ARID5A: variants seen among roughly 807,000 people sequenced by gnomAD.
The protein encoded by ARID5A is AT-rich interaction domain 5A.
A neutral mutation model predicts 30.5 loss-of-function variants in ARID5A; 14 were observed. The observed-to-expected ratio is 0.46, with a 90% confidence interval of 0.30 to 0.72. The LOEUF (loss-of-function observed/expected upper bound fraction) is 0.72, where lower values mean the gene tolerates loss of function less well. Ranked by LOEUF, ARID5A falls within the 30% of genes least tolerant of loss-of-function variation. The pLI is 0.07. For synonymous variants in ARID5A, 338 were observed against 340.4 expected (o/e 0.99, Z 0.08); for missense variants, 669 against 786.2 (o/e 0.85, Z 1.78).
intron 1 of ARID5A, among the ~76,000 whole-genome samples, chr2:96,543,767 A>C (rs1323973314): frequency 6.6e-6 from 1 of 152,200 alleles, no homozygotes; most frequent in African/African-American, 2.4e-5. Context: ...TTAAGTGTTC[A>C]AGTGAAAGGA....
chr2:96,536,853 C>A lies in ARID5A; in HGVS notation c.4+23C>A, dbSNP rs898818760. On this transcript the variant is annotated intron_variant, in intron 1 of 6. Coordinates refer to ENST00000357485, the MANE Select transcript of ARID5A (RefSeq NM_212481.3). Reference sequence around the variant, plus strand: ...TGGGTAAGCGGCTCTGCGGCGCGGCCCGGACAGGGGCTCGGCGGCCCTGCA... The same window carrying A: ...TGGGTAAGCGGCTCTGCGGCGCGGCACGGACAGGGGCTCGGCGGCCCTGCA... The A allele has an allele frequency of 1.8e-5, 22 of 1,226,420 alleles. 1 individual carries two copies. In the Admixed American group the frequency reaches 2.1e-4, roughly 12 times the overall value. The allele number at this position is 1,226,420 out of a possible 1,614,324, so 76.0% of individuals were successfully genotyped here. A position where few individuals can be genotyped will look rare whatever the true frequency, so the allele number is the denominator to read the frequency against.
chr2:96,552,247 C>G lies in ARID5A; in HGVS notation c.1719C>G (p.Ala573=). The G allele has an allele frequency of 6.2e-7, 1 of 1,613,348 alleles. No homozygotes were observed. The highest frequency in any genetic ancestry group is 8.5e-7 in the Non-Finnish European group (1 of 1,179,880). The change falls in exon 7 of 7, where the codon GCC becomes GCG. Residue 573 remains alanine, a synonymous_variant. Transcript: ENST00000357485. ...LRHRLCPASS[A]WHAPPVTTYA... ...ACAGACTTTGCCCGGCCTCATCTGC[C>G]TGGCACGCACCACCAGTCACAACCT...
intron 1 of ARID5A, among the ~76,000 whole-genome samples, chr2:96,546,255 T>A (rs980749453): frequency 1.3e-5 from 2 of 152,226 alleles, no homozygotes; most frequent in African/African-American, 4.8e-5. Context: ...AATAAGGATG[T>A]CCTGGGAGGG....
Position 96,549,686 on chromosome 2 carries a change from G to A in ARID5A, c.260-67G>A. On this transcript the variant is annotated intron_variant, in intron 3 of 6. Coordinates refer to ENST00000357485, the MANE Select transcript of ARID5A (RefSeq NM_212481.3). The surrounding 1 kb of genome is among the most constrained non-coding windows in gnomAD (Gnocchi z 6.1). ...TGTGCCTGGCCTGTCAGGGCACCAG[G>A]AAGGGGTGGCATGCTGTCCCCACCT... 6.2e-7 allele frequency: 1 copy of A among 1,609,106 alleles called. No homozygotes were observed. The highest frequency in any genetic ancestry group is 8.5e-7 in the Non-Finnish European group (1 of 1,175,840).
At position 96,550,297 on chromosome 2, in the gene ARID5A, C is replaced by G. The variant is rs912418494; in HGVS notation, c.410+12C>G. 2.1e-6 allele frequency: 3 copies of G among 1,436,694 alleles called. No individual in the cohort carries two copies. In the South Asian group the frequency reaches 4.4e-5, roughly 21 times the overall value. 89.0% of individuals were successfully genotyped at this position (1,436,694 alleles called of 1,614,324 possible). A position where few individuals can be genotyped will look rare whatever the true frequency, so the allele number is the denominator to read the frequency against. On this transcript the variant is annotated intron_variant, in intron 5 of 6. Transcript: ENST00000357485. This position sits in a 1 kb window ranked among gnomAD's most constrained non-coding sequence, Gnocchi z 6.6. ...CGCCACTACGAGAGGTACGGCGGGG[C>G]GGGCCCGGGTGCTGGACGCCGCCTA...
At position 96,550,622 on chromosome 2, in the gene ARID5A, G is replaced by A. The variant is rs368409361; in HGVS notation, c.459G>A (p.Pro153=). ...VRHLKGEDDK[P]LPTSKPRKQY... is the part of the protein sequence containing the mutation. ...ACCTGAAGGGGGAGGATGACAAGCC[G>A]CTGCCCACCTCCAAGCCCAGGAAAC... Residue 153 remains proline, a synonymous_variant, in exon 6 of 7, where the codon CCG becomes CCA. Coordinates refer to ENST00000357485, the MANE Select transcript of ARID5A (RefSeq NM_212481.3). The surrounding 1 kb of genome is among the most constrained non-coding windows in gnomAD (Gnocchi z 6.6). 4 of 1,607,888 alleles carry A rather than the reference G, an allele frequency of 2.5e-6. No homozygotes were observed. The highest frequency in any genetic ancestry group is 1.7e-5 in the Admixed American group (1 of 59,340).
Position 96,536,785 on chromosome 2 carries a change from G to T in ARID5A, c.-42G>T. ...GAGCGCGGGGTCCGGACAGCCGCGC[G>T]CTGAGGGTCTCGGGGCGGGCGCCGC... On this transcript the variant is annotated 5_prime_UTR_variant, in exon 1 of 7. Coordinates refer to ENST00000357485, the MANE Select transcript of ARID5A (RefSeq NM_212481.3). 8.3e-7 allele frequency: 1 copy of T among 1,208,650 alleles called. No homozygotes were observed. The highest frequency in any genetic ancestry group is 1.0e-6 in the Non-Finnish European group (1 of 974,046). The allele number at this position is 1,208,650 out of a possible 1,614,324, so 74.9% of individuals were successfully genotyped here. A position where few individuals can be genotyped will look rare whatever the true frequency, so the allele number is the denominator to read the frequency against.
rs1178653222 is a variant in ARID5A, at chr2:96,539,548, A to G, written c.4+2718A>G. On this transcript the variant is annotated intron_variant, in intron 1 of 6. Transcript: ENST00000357485. The surrounding 1 kb of genome is among the most constrained non-coding windows in gnomAD (Gnocchi z 4.7). ...GAGCTGGCCCCCTACTCTCTCAGGT[A>G]ACAGGTAGCAGTTTTTTAAATGGAA... Among the ~76,000 whole-genome samples the G allele has an allele frequency of 6.6e-6, 1 of 152,350 alleles. No individual in the cohort carries two copies. The highest frequency in any genetic ancestry group is 1.9e-4 in the East Asian group (1 of 5,180).
chr2:96,551,472 A>C lies in ARID5A; in HGVS notation c.944A>C (p.Gln315Pro). The change falls in exon 7 of 7, where the codon CAG becomes CCG. Residue 315 changes from glutamine (Q) to proline (P), a missense_variant. Coordinates refer to ENST00000357485, the MANE Select transcript of ARID5A (RefSeq NM_212481.3). ...TENSRHRLTP[Q>P]EGLQAPGGSL... ...AACTCCAGGCACCGGCTGACCCCTC[A>C]GGAGGGATTGCAGGCCCCAGGTGGC... The C allele has an allele frequency of 6.3e-7, 1 of 1,589,476 alleles. No individual in the cohort carries two copies. The highest frequency in any genetic ancestry group is 8.6e-7 in the Non-Finnish European group (1 of 1,168,106).
chr2:96,538,800 C>T (rs998116774), intron 1 of ARID5A, among the ~76,000 whole-genome samples: 4 of 152,170 alleles, frequency 2.6e-5, no homozygotes, highest in Admixed American at 2.6e-4. Context: ...TGGTAATTGA[C>T]GCAGTGTTCC....
intron 1 of ARID5A, among the ~76,000 whole-genome samples, chr2:96,543,102 C>T (rs1167973250): frequency 1.3e-5 from 2 of 152,184 alleles, no homozygotes; most frequent in Non-Finnish European, 2.9e-5. Context: ...GTCTCTTTCT[C>T]TTTGACAAGC....
chr2:96,550,620 C>A lies in ARID5A; in HGVS notation c.457C>A (p.Pro153Thr). ...GCACCTGAAGGGGGAGGATGACAAG[C>A]CGCTGCCCACCTCCAAGCCCAGGAA... ...VRHLKGEDDKPLPTSKPRKQY... is the reference protein window; with the variant it reads ...VRHLKGEDDKTLPTSKPRKQY... Residue 153 changes from proline to threonine, a missense_variant, in exon 6 of 7, where the codon CCG (proline) becomes ACG (threonine). Pro to Thr is a conservative substitution (Grantham distance 38). This residue lies in a region of ARID5A where 64 missense variants were observed against 119.7 expected (regional missense o/e 0.53). Coordinates refer to ENST00000357485, the MANE Select transcript of ARID5A (RefSeq NM_212481.3). This position sits in a 1 kb window ranked among gnomAD's most constrained non-coding sequence, Gnocchi z 6.6. The A allele has an allele frequency of 6.2e-7, 1 of 1,607,812 alleles. No individual in the cohort carries two copies. The highest frequency in any genetic ancestry group is 8.5e-7 in the Non-Finnish European group (1 of 1,177,792).
At chr2:96,538,798 G>A (rs2065792263) in intron 1 of ARID5A, among the ~76,000 whole-genome samples, 1 of 152,234 alleles carries the variant, frequency 6.6e-6, no homozygotes, top group Non-Finnish European at 1.5e-5. Context: ...TGTGGTAATT[G>A]ACGCAGTGTT....
chr2:96,551,901 G>T lies in ARID5A; in HGVS notation c.1373G>T (p.Arg458Ile). 1 of 1,545,710 alleles carries T rather than the reference G, an allele frequency of 6.5e-7. No homozygotes were observed. The highest frequency in any genetic ancestry group is 8.7e-7 in the Non-Finnish European group (1 of 1,149,066). The change falls in exon 7 of 7, where the codon AGA becomes ATA. Residue 458 changes from arginine (R) to isoleucine (I), a missense_variant. By Grantham distance (97) the Arg-to-Ile change is moderately conservative. Around this residue, in one of 4 missense-constraint regions of ARID5A, gnomAD observed 548 missense variants for 577.4 expected, o/e 0.95. Transcript: ENST00000357485. The stretch of plus-strand genomic sequence containing the variant: ...GAGGGTGCTGCCCACAGTGGGAAGA[G>T]ACTGCGGGCCGTGTCTCCCTTTCTT... ...EEEGAAHSGK[R>I]LRAVSPFLKE...
chr2:96,551,193 C>A lies in ARID5A; in HGVS notation c.665C>A (p.Ala222Asp). 6.2e-7 allele frequency: 1 copy of A among 1,614,018 alleles called. No individual in the cohort carries two copies. Among genetic ancestry groups the A allele is most frequent in the South Asian group, 1.1e-5 (1 of 91,092 alleles). ...AACAGCACAGAACAGCAGGGCCTGG[C>A]CTCTGGGTCTTCTGTGTCCTTTGTG... ...PRNSTEQQGL[A>D]SGSSVSFVGA... Residue 222 changes from alanine (A) to aspartate (D), a missense_variant, in exon 7 of 7, where the codon GCC becomes GAC. By Grantham distance (126) the Ala-to-Asp change is moderately radical. Coordinates refer to ENST00000357485, the MANE Select transcript of ARID5A (RefSeq NM_212481.3).
Position 96,548,484 on chromosome 2 carries a change from T to G in ARID5A, c.121-837T>G, listed in dbSNP as rs146379445. On this transcript the variant is annotated intron_variant, in intron 2 of 6. Transcript: ENST00000357485. Reference sequence around the variant, plus strand: ...TTTCCCCATGTTGGCCAGGCTGGTCTCAAACTCCTGACCTCAAGTGATCTC... The same window carrying G: ...TTTCCCCATGTTGGCCAGGCTGGTCGCAAACTCCTGACCTCAAGTGATCTC... Among the ~76,000 whole-genome samples the G allele has an allele frequency of 2.0e-3, 306 of 152,286 alleles. 11 individuals are homozygous for G. The East Asian group carries it at 0.052, about 26-fold the overall frequency.
Position 96,537,769 on chromosome 2 carries a change from C to G in ARID5A, c.4+939C>G, listed in dbSNP as rs1389190089. On this transcript the variant is annotated intron_variant, in intron 1 of 6. Transcript: ENST00000357485. This position sits in a 1 kb window ranked among gnomAD's most constrained non-coding sequence, Gnocchi z 4.8. ...GTCTAGGGGTCGCCCGGGCTGGGGT[C>G]GCGTCACCCTCCGCCCAGCGCCGGC... 2 of 784,106 alleles carry G rather than the reference C, an allele frequency of 2.6e-6. No individual in the cohort carries two copies. The highest frequency in any genetic ancestry group is 1.5e-6 in the Non-Finnish European group (1 of 646,282). The allele number at this position is 784,106 out of a possible 1,614,324, so 48.6% of individuals were successfully genotyped here. A position where few individuals can be genotyped will look rare whatever the true frequency, so the allele number is the denominator to read the frequency against.
At chr2:96,544,409 G>C (rs1480604353) in intron 1 of ARID5A, among the ~76,000 whole-genome samples, 1 of 152,220 alleles carries the variant, frequency 6.6e-6, no homozygotes, top group Non-Finnish European at 1.5e-5. Flanking sequence ...GGCTAATGCA[G>C]CTGGTACTGG....
chr2:96,551,208 T>C lies in ARID5A; in HGVS notation c.680T>C (p.Val227Ala), dbSNP rs763627855. 6.2e-7 allele frequency: 1 copy of C among 1,613,976 alleles called. No homozygotes were observed. The highest frequency in any genetic ancestry group is 8.5e-7 in the Non-Finnish European group (1 of 1,179,992). ...CAGGGCCTGGCCTCTGGGTCTTCTG[T>C]GTCCTTTGTGGGTGCCAGCGGCTGT... ...EQQGLASGSS[V>A]SFVGASGCPE... Residue 227 changes from valine to alanine, a missense_variant, in exon 7 of 7, where the codon GTG (valine) becomes GCG (alanine). Around this residue, in one of 4 missense-constraint regions of ARID5A, gnomAD observed 548 missense variants for 577.4 expected, o/e 0.95. Coordinates refer to ENST00000357485, the MANE Select transcript of ARID5A (RefSeq NM_212481.3).
Sources: allele counts gnomAD v4.1 joint callset (sites outside exome capture counted in the v4.1 genomes callset), GRCh38; gene constraint gnomAD v4.1.1; regional missense constraint gnomAD v4.1.1; non-coding constraint Gnocchi (gnomAD v3.1); transcripts MANE v1.5; gene names NCBI Gene and HGNC (gene_info 2026-07-23, HGNC 2026-07-21).